The following TANC1 variants were observed in gnomAD, a reference collection of about 807,000 sequenced individuals.
The protein encoded by TANC1 is protein TANC1.
In TANC1, 77 loss-of-function variants were observed where a neutral mutation model predicts 149.7. The ratio of observed to expected loss-of-function variants is 0.51; its 90% CI spans 0.43 to 0.62. The LOEUF is 0.62. Ranked by LOEUF, TANC1 falls within the 20% of genes least tolerant of loss-of-function variation. The probability of loss-of-function intolerance (pLI) is 0.00; values close to 1 mark genes in which losing one functional copy is unlikely to be tolerated. For missense variants in TANC1, 1,985 were observed against 2,321.8 expected (o/e 0.85, Z 2.98); for synonymous variants, 854 against 925.0 (o/e 0.92, Z 1.39).
chr2:159,112,587 GAGAC>G (rs1369492762), intron 4 of TANC1, among the ~76,000 whole-genome samples: 2 of 126,282 alleles, frequency 1.6e-5, no homozygotes, highest in Admixed American at 9.5e-5. Flanking sequence ...GTTTTCCTAA[GAGAC>G]AGGTTCTTGC....
At chr2:159,226,238 T>A (rs1478443392) in intron 24 of TANC1, 1 of 178,232 alleles carries the variant, frequency 5.6e-6, no homozygotes, top group African/African-American at 2.4e-5. Context: ...CTTAATATCT[T>A]TCCGGCAGAA....
intron 19 of TANC1, among the ~76,000 whole-genome samples, chr2:159,207,169 G>A (rs568004895): frequency 3.3e-5 from 5 of 152,266 alleles, no homozygotes; most frequent in Non-Finnish European, 5.9e-5. Flanking sequence ...TCAAACATTC[G>A]TGCCATGGCA....
At chr2:159,021,282 C>T (rs1346728398) in intron 2 of TANC1, among the ~76,000 whole-genome samples, 3 of 151,948 alleles carry the variant, frequency 2.0e-5, no homozygotes, top group African/African-American at 7.3e-5. Flanking sequence ...TGACTTTTGT[C>T]CTCTTAATTT....
chr2:159,186,695 G>C, intron 15 of TANC1: 2 of 572,842 alleles, frequency 3.5e-6, no homozygotes, highest in Admixed American at 6.3e-5. Flanking sequence ...AGTTAACCTA[G>C]TGAAGGCAGG....
At position 159,178,901 on chromosome 2, in the gene TANC1, G is replaced by A. The variant is rs746918029; in HGVS notation, c.2248G>A (p.Ala750Thr). Residue 750 changes from alanine to threonine, a missense_variant, in exon 14 of 27, where the codon GCC becomes ACC. Physicochemically the swap from Ala to Thr is moderately conservative, Grantham distance 58. Transcript: ENST00000263635. ...CAACATGAAGTTCATGACCCAGTCC[G>A]CCTTTGAGAGGGCACTTCCGATTCT... ...QCNMKFMTQS[A>T]FERALPILNV... 1.8e-5 allele frequency: 29 copies of A among 1,614,024 alleles called. No individual in the cohort carries two copies. The highest frequency in any genetic ancestry group is 4.0e-5 in the African/African-American group (3 of 74,908).
intron 13 of TANC1, among the ~76,000 whole-genome samples, chr2:159,178,115 A>G (rs1176665625): frequency 6.6e-6 from 1 of 152,264 alleles, no homozygotes; most frequent in Non-Finnish European, 1.5e-5. Context: ...TTTGCTGCAT[A>G]AAGAAGGATG....
chr2:159,201,183 C>T (rs2058217813), intron 19 of TANC1, among the ~76,000 whole-genome samples: 1 of 152,154 alleles, frequency 6.6e-6, no homozygotes, highest in Non-Finnish European at 1.5e-5. Flanking sequence ...CGTCTACTGC[C>T]CCAAGCCTTC....
At chr2:159,074,594 G>A (rs1316020831) in intron 3 of TANC1, among the ~76,000 whole-genome samples, 1 of 152,102 alleles carries the variant, frequency 6.6e-6, no homozygotes, top group Non-Finnish European at 1.5e-5. Flanking sequence ...TTGTTTCTTT[G>A]TGAGGGCTTG....
Position 159,230,294 on chromosome 2 carries a change from A to G in TANC1, c.4868A>G (p.Lys1623Arg). 6.2e-7 allele frequency: 1 copy of G among 1,614,138 alleles called. No individual in the cohort carries two copies. Among genetic ancestry groups the G allele is most frequent in the African/African-American group, 1.3e-5 (1 of 75,036 alleles). The change falls in exon 27 of 27, where the codon AAG becomes AGG. Residue 1623 changes from lysine (K) to arginine (R), a missense_variant. Transcript: ENST00000263635. The surrounding 1 kb of genome is among the most constrained non-coding windows in gnomAD (Gnocchi z 4.4). Reference sequence around the variant, plus strand: ...GGCCCTGCACACCCTTTACCAAGTAAGACGAAAACCACAGAGAGGCTTCTG... The same window carrying G: ...GGCCCTGCACACCCTTTACCAAGTAGGACGAAAACCACAGAGAGGCTTCTG... ...ENGPAHPLPSKTKTTERLLSH... is the reference protein window; with the variant it reads ...ENGPAHPLPSRTKTTERLLSH...
At chr2:159,079,592 T>G (rs2044055386) in intron 3 of TANC1, among the ~76,000 whole-genome samples, 1 of 152,132 alleles carries the variant, frequency 6.6e-6, no homozygotes, top group South Asian at 2.1e-4. Context: ...TAACAGTATC[T>G]ATGTCCTCTC....
chr2:159,194,616 G>A (rs577732214), intron 17 of TANC1, 123 bp downstream of exon 17: 13 of 862,378 alleles, frequency 1.5e-5, no homozygotes, highest in South Asian at 6.3e-5. Flanking sequence ...AGAAAGGGTC[G>A]GGCTCCAGGG....
At chr2:159,215,551 CA>C (rs1311319990) in intron 19 of TANC1, among the ~76,000 whole-genome samples, 1 of 152,158 alleles carries the variant, frequency 6.6e-6, no homozygotes, top group Non-Finnish European at 1.5e-5. Flanking sequence ...TGAGGGGTGT[CA>C]AAGAAGACAG....
chr2:159,088,727 T>C (rs997759231), intron 3 of TANC1, among the ~76,000 whole-genome samples: 1 of 152,086 alleles, frequency 6.6e-6, no homozygotes, highest in African/African-American at 2.4e-5. Context: ...CATTAGTGTA[T>C]TTTACGTGTG....
At chr2:159,166,488 T>TGC (rs1412276826) in intron 8 of TANC1, among the ~76,000 whole-genome samples, 1 of 152,200 alleles carries the variant, frequency 6.6e-6, no homozygotes. Flanking sequence ...TGTGTGTGTG[T>TGC]GCACAACAAG....
In TANC1 at chr2:159,197,921, C is replaced by G. The variant is rs138232855; in HGVS notation, c.3166-1054C>G. On this transcript the variant is annotated intron_variant, in intron 18 of 26. Coordinates refer to ENST00000263635, the MANE Select transcript of TANC1 (RefSeq NM_033394.3). The stretch of plus-strand genomic sequence containing the variant: ...CCTTAGTGGCTTAAAGCAGCACACA[C>G]TTACTCTTAGAATTCTGATGGTCAG... 1.3e-3 allele frequency among the ~76,000 whole-genome samples: 202 copies of G among 152,308 alleles called. 1 individual carries two copies. Among genetic ancestry groups the G allele is most frequent in the African/African-American group, 4.8e-3 (198 of 41,576 alleles).
At chr2:159,159,972 A>C (rs1257455829) in intron 7 of TANC1, among the ~76,000 whole-genome samples, 1 of 152,180 alleles carries the variant, frequency 6.6e-6, no homozygotes, top group African/African-American at 2.4e-5. Flanking sequence ...CCTGGGCAGC[A>C]TAGTGAAATC....
intron 1 of TANC1, among the ~76,000 whole-genome samples, chr2:158,988,155 C>T (rs1169139250): frequency 6.6e-6 from 1 of 151,582 alleles, no homozygotes; most frequent in Non-Finnish European, 1.5e-5. Flanking sequence ...AAACCCCCGT[C>T]TCTATTAAAA....
In TANC1 at chr2:159,224,242, T is replaced by C; in HGVS notation, c.3689T>C (p.Leu1230Pro). 1 of 1,614,158 alleles carries C rather than the reference T, an allele frequency of 6.2e-7. No individual in the cohort carries two copies. Among genetic ancestry groups the C allele is most frequent in the African/African-American group, 1.3e-5 (1 of 75,050 alleles). Residue 1230 changes from leucine (L) to proline (P), a missense_variant, in exon 23 of 27, where the codon CTG becomes CCG. By Grantham distance (98) the Leu-to-Pro change is moderately conservative. Coordinates refer to ENST00000263635, the MANE Select transcript of TANC1 (RefSeq NM_033394.3). ...CTGCTGTCTCTGCAGGTGCTGTACC[T>C]GGTGGAGAAGGGAGCCGTGATCGAG... ...FYGDAETVLY[L>P]VEKGAVIEHV...
At chr2:159,140,964 T>G (rs552476229) in intron 5 of TANC1, among the ~76,000 whole-genome samples, 4 of 152,168 alleles carry the variant, frequency 2.6e-5, no homozygotes, top group Non-Finnish European at 4.4e-5. Context: ...GTGCCAGGAT[T>G]ACAAGTGCGA....
Sources: allele counts gnomAD v4.1 joint callset (sites outside exome capture counted in the v4.1 genomes callset), GRCh38; gene constraint gnomAD v4.1.1; non-coding constraint Gnocchi (gnomAD v3.1); transcripts MANE v1.5; gene names NCBI Gene and HGNC (gene_info 2026-07-23, HGNC 2026-07-21).